The following CADM2 variants were observed in gnomAD, a reference collection of about 807,000 sequenced individuals.
The protein encoded by CADM2 is cell adhesion molecule 2, also known as immunoglobulin superfamily member 4D.
In CADM2, 12 loss-of-function variants were observed where a neutral mutation model predicts 49.8. That is an observed-to-expected ratio of 0.24 (90% confidence interval 0.15 to 0.39). The LOEUF is 0.39. Ranked by LOEUF, CADM2 falls within the 10% of genes least tolerant of loss-of-function variation. The pLI, the probability that CADM2 is intolerant of heterozygous loss-of-function variation, is 1.00. For missense variants in CADM2, 378 were observed against 492.3 expected, an observed-to-expected ratio of 0.77 and a Z score of 2.20; for synonymous variants, 214 against 175.4, an observed-to-expected ratio of 1.22 and a Z score of -1.74.
At chr3:85,549,532 A>G (rs1253507941) in intron 1 of CADM2, among the ~76,000 whole-genome samples, 1 of 152,208 alleles carries the variant, frequency 6.6e-6, no homozygotes, top group Non-Finnish European at 1.5e-5. Context: ...ACATAAAGGA[A>G]TAAGAACAGA....
At chr3:85,885,821 C>T (rs1447838412) in intron 4 of CADM2, among the ~76,000 whole-genome samples, 4 of 140,190 alleles carry the variant, frequency 2.9e-5, no homozygotes, top group African/African-American at 1.1e-4. Context: ...CAGTCCACTC[C>T]ATCCTGGGCG....
At chr3:85,889,449 C>G (rs144557443) in intron 5 of CADM2, among the ~76,000 whole-genome samples, 3 of 152,058 alleles carry the variant, frequency 2.0e-5, no homozygotes, top group Non-Finnish European at 4.4e-5. Flanking sequence ...TGAAAATGTG[C>G]GTGTTTGCCA....
At chr3:85,615,083 A>T (rs2063765077) in intron 1 of CADM2, among the ~76,000 whole-genome samples, 1 of 151,890 alleles carries the variant, frequency 6.6e-6, no homozygotes, top group African/African-American at 2.4e-5. Context: ...ACTACCTGTT[A>T]GTATGTGAGC....
intron 7 of CADM2, among the ~76,000 whole-genome samples, chr3:85,952,281 A>AT (rs141627239): frequency 2.7e-5 from 4 of 150,474 alleles, no homozygotes; most frequent in African/African-American, 9.7e-5. Flanking sequence ...TATTCTCTTG[A>AT]TTTTTTTTCT....
At chr3:85,845,240 C>A (rs956585132) in intron 3 of CADM2, among the ~76,000 whole-genome samples, 1 of 151,748 alleles carries the variant, frequency 6.6e-6, no homozygotes, top group African/African-American at 2.4e-5. Context: ...TTTATTCTGG[C>A]ATGGCTCTCA....
At chr3:85,206,006 GGAAAA>G (rs1175283126) in intron 1 of CADM2, among the ~76,000 whole-genome samples, 1 of 151,946 alleles carries the variant, frequency 6.6e-6, no homozygotes, top group Non-Finnish European at 1.5e-5. Flanking sequence ...ATGAAGAGCC[GGAAAA>G]GAAAAGAAGA....
At chr3:85,748,341 A>T (rs1048398385) in intron 2 of CADM2, among the ~76,000 whole-genome samples, 4 of 120,424 alleles carry the variant, frequency 3.3e-5, no homozygotes, top group African/African-American at 8.6e-5. Context: ...ACATCCATTT[A>T]AAAAAAAAAT....
At chr3:85,947,364 A>C (rs747406216) in intron 7 of CADM2, among the ~76,000 whole-genome samples, 2 of 151,444 alleles carry the variant, frequency 1.3e-5, no homozygotes, top group Non-Finnish European at 3.0e-5. Context: ...AAGGATACAG[A>C]GCATTTAGAT....
At chr3:85,320,747 A>G (rs1448339772) in intron 1 of CADM2, among the ~76,000 whole-genome samples, 3 of 151,972 alleles carry the variant, frequency 2.0e-5, no homozygotes, top group Admixed American at 6.6e-5. Context: ...TAAAGCTTTT[A>G]TTTTGTTTTC....
At chr3:85,007,481 G>C (rs1490380443) in intron 1 of CADM2, among the ~76,000 whole-genome samples, 1 of 151,940 alleles carries the variant, frequency 6.6e-6, no homozygotes, top group Admixed American at 6.6e-5. Context: ...ACCAACCCCT[G>C]GTCTAGTAGG....
At chr3:85,534,674 A>T (rs1389959610) in intron 1 of CADM2, among the ~76,000 whole-genome samples, 1 of 152,158 alleles carries the variant, frequency 6.6e-6, no homozygotes, top group Non-Finnish European at 1.5e-5. Flanking sequence ...CTGGCCCCAT[A>T]TCTAGGCTAT....
chr3:85,296,751 A>T (rs1445724449), intron 1 of CADM2, among the ~76,000 whole-genome samples: 4 of 152,090 alleles, frequency 2.6e-5, no homozygotes, highest in Admixed American at 1.3e-4. Flanking sequence ...TCTTTAAAAA[A>T]TTACCACGAC....
intron 3 of CADM2, among the ~76,000 whole-genome samples, chr3:85,829,242 C>T (rs1037256505): frequency 3.3e-5 from 5 of 151,804 alleles, no homozygotes; most frequent in Non-Finnish European, 7.4e-5. Context: ...GACTGGCTTT[C>T]TCTGCCAAAC....
intron 1 of CADM2, among the ~76,000 whole-genome samples, chr3:85,125,818 A>G (rs1331758209): frequency 1.3e-5 from 2 of 152,232 alleles, no homozygotes; most frequent in African/African-American, 2.4e-5. Flanking sequence ...TCTAATGATA[A>G]TGAATAAAAA....
chr3:85,858,002 A>G (rs1303047487), intron 3 of CADM2, among the ~76,000 whole-genome samples: 2 of 152,212 alleles, frequency 1.3e-5, no homozygotes, highest in Non-Finnish European at 2.9e-5. Flanking sequence ...TGACCCTACC[A>G]TTAACTTTCA....
intron 1 of CADM2, among the ~76,000 whole-genome samples, chr3:85,316,279 T>C (rs2044462431): frequency 6.6e-6 from 1 of 152,184 alleles, no homozygotes; most frequent in Admixed American, 6.5e-5. Flanking sequence ...AAAATGTATG[T>C]TTACTTTACA....
chr3:84,969,169 T>C (rs1185666535), intron 1 of CADM2, among the ~76,000 whole-genome samples: 2 of 152,146 alleles, frequency 1.3e-5, no homozygotes, highest in Middle Eastern at 6.8e-3. Context: ...CTGTGTCTTA[T>C]GTCATAAGAA....
chr3:85,233,802 C>T (rs187644602), intron 1 of CADM2, among the ~76,000 whole-genome samples: 1 of 152,138 alleles, frequency 6.6e-6, no homozygotes, highest in Admixed American at 6.6e-5. Flanking sequence ...TCACAAAATA[C>T]ATTGTTAGCC....
chr3:85,067,518 C>A (rs1222279706), intron 1 of CADM2, among the ~76,000 whole-genome samples: 2 of 151,966 alleles, frequency 1.3e-5, no homozygotes, highest in Admixed American at 1.3e-4. Context: ...ACAGTTTTAC[C>A]CGTAGAAGTG....
Sources: allele counts gnomAD v4.1 joint callset (sites outside exome capture counted in the v4.1 genomes callset), GRCh38; gene constraint gnomAD v4.1.1; transcripts MANE v1.5; gene names NCBI Gene and HGNC (gene_info 2026-07-23, HGNC 2026-07-21).